STX10: variants seen among roughly 807,000 people sequenced by gnomAD.
STX10 encodes syntaxin 10.
In STX10, 35 loss-of-function variants were observed where a neutral mutation model predicts 34.1. The ratio of observed to expected loss-of-function variants is 1.03; its 90% CI spans 0.78 to 1.36. The LOEUF (loss-of-function observed/expected upper bound fraction) is 1.36, where lower values mean the gene tolerates loss of function less well. Among genes scored for constraint, STX10 ranks in the 40% most tolerant of loss-of-function variants. The pLI is 0.00. For missense variants in STX10, 361 were observed against 335.5 expected (o/e 1.08, Z -0.59); for synonymous variants, 155 against 132.9 (o/e 1.17, Z -1.15).
rs1191932510 is a variant in STX10, at chr19:13,149,853, C to G, written c.80G>C (p.Arg27Pro). The change falls in exon 2 of 8, where the codon CGC becomes CCC. Residue 27 changes from arginine (R) to proline (P), a missense_variant. Coordinates refer to ENST00000587230, the MANE Select transcript of STX10 (RefSeq NM_003765.3). Reference sequence around the variant, plus strand: ...GCTTTCCTGCAGGAGCTCGCACCAGCGCTGGTACAGCCCGCGGGCCGTGTT... The same window carrying G: ...GCTTTCCTGCAGGAGCTCGCACCAGGGCTGGTACAGCCCGCGGGCCGTGTT... ...AVNTARGLYQ[R>P]WCELLQESAA... The G allele has an allele frequency of 5.0e-6, 8 of 1,612,206 alleles. No homozygotes were observed. The highest frequency in any genetic ancestry group is 6.8e-6 in the Non-Finnish European group (8 of 1,179,606).
At chr19:13,148,952 A>C in intron 4 of STX10, 77 bp downstream of exon 4, 1 of 1,239,290 alleles carries the variant, frequency 8.1e-7, no homozygotes, top group South Asian at 1.3e-5. Flanking sequence ...CAAAAGGGAC[A>C]GGTGAACACG....
intron 3 of STX10, 46 bp downstream of exon 3, chr19:13,149,453 A>T: frequency 1.4e-6 from 2 of 1,448,462 alleles, no homozygotes; most frequent in Non-Finnish European, 1.9e-6. Flanking sequence ...AAAAAAAAAC[A>T]CACTCAAACC....
chr19:13,144,436 C>T lies in STX10; in HGVS notation c.724G>A (p.Val242Ile), dbSNP rs144491920. Residue 242 changes from valine (V) to isoleucine (I), a missense_variant, in exon 8 of 8, where the codon GTT (valine) becomes ATT (isoleucine). By Grantham distance (29) the Val-to-Ile change is conservative. Coordinates refer to ENST00000587230, the MANE Select transcript of STX10 (RefSeq NM_003765.3). ...CAGAGAGAGAATAGTAAGATGAGAA[C>T]GAGGAGAAGCACCCCCACTAGCACG... ...IAVLVGVLLL[V>I]LILLFSL 19 of 1,612,012 alleles carry T rather than the reference C, an allele frequency of 1.2e-5. No individual in the cohort carries two copies. The highest frequency in any genetic ancestry group is 1.7e-5 in the Admixed American group (1 of 59,670).
intron 4 of STX10, among the ~76,000 whole-genome samples, chr19:13,147,825 C>T (rs1480941868): frequency 1.4e-5 from 2 of 138,766 alleles, no homozygotes; most frequent in East Asian, 2.3e-4. Flanking sequence ...ACCCGGGAGG[C>T]GGAGGCTGCA....
chr19:13,150,028 C>T lies in STX10; in HGVS notation c.35+111G>A. 1 of 1,344,782 alleles carries T rather than the reference C, an allele frequency of 7.4e-7. No individual in the cohort carries two copies. The highest frequency in any genetic ancestry group is 1.0e-6 in the Non-Finnish European group (1 of 961,310). The allele number at this position is 1,344,782 out of a possible 1,614,324, so 83.3% of individuals were successfully genotyped here. A position where few individuals can be genotyped will look rare whatever the true frequency, so the allele number is the denominator to read the frequency against. Reference sequence around the variant, plus strand: ...TATACCCCTGCGTGCGCCTCCCACTCTGCACCCCGACGGCCTTGCCCAGCC... The same window carrying T: ...TATACCCCTGCGTGCGCCTCCCACTTTGCACCCCGACGGCCTTGCCCAGCC... On this transcript the variant is annotated intron_variant, in intron 1 of 7. Transcript: ENST00000587230. The surrounding 1 kb of genome is among the most constrained non-coding windows in gnomAD (Gnocchi z 4.0).
At chr19:13,145,891 G>A (rs1157792195) in intron 4 of STX10, among the ~76,000 whole-genome samples, 1 of 151,964 alleles carries the variant, frequency 6.6e-6, no homozygotes, top group Non-Finnish European at 1.5e-5. Flanking sequence ...AGGCTTGGTG[G>A]CGGGTGCCTG....
chr19:13,148,916 G>A (rs2019975556), intron 4 of STX10, 113 bp downstream of exon 4: 3 of 806,144 alleles, frequency 3.7e-6, no homozygotes, highest in Non-Finnish European at 6.1e-6. Context: ...GAAGATAACT[G>A]CCCACAGAGA....
Position 13,144,666 on chromosome 19 carries a change from AG to A in STX10, c.583del (p.Leu195TrpfsTer28), listed in dbSNP as rs765652606. 1 of 1,614,134 alleles carries A rather than the reference AG, an allele frequency of 6.2e-7. No homozygotes were observed. Among genetic ancestry groups the A allele is most frequent in the Non-Finnish European group, 8.5e-7 (1 of 1,180,018 alleles). ...GEELDEQGIM[L>X]DAFAQEMDHT... ...GTCCATCTCTTGGGCGAAGGCATCC[AG>A]CATGCTGCCAAGAACAGGATGGCAT... On this transcript the variant is annotated frameshift_variant, in exon 7 of 8. Coordinates refer to ENST00000587230, the MANE Select transcript of STX10 (RefSeq NM_003765.3). LOFTEE classifies it high-confidence loss of function.
At chr19:13,149,424 AAAAAAG>A in intron 3 of STX10, 69 bp downstream of exon 3, 33 of 1,178,536 alleles carry the variant, frequency 2.8e-5, no homozygotes, top group Non-Finnish European at 3.7e-5. Context: ...AAAAAAAAAA[AAAAAAG>A]AAAGAAAGAA....
Position 13,149,825 on chromosome 19 carries a change from C to T in STX10, c.108G>A (p.Ala36=), listed in dbSNP as rs1026008834. 2 of 1,613,582 alleles carry T rather than the reference C, an allele frequency of 1.2e-6. No homozygotes were observed. Among genetic ancestry groups the T allele is most frequent in the African/African-American group, 1.3e-5 (1 of 74,928 alleles). ...QRWCELLQES[A]AVGREELDWT... ...AGTCCAGCTCCTCGCGTCCGACCGC[C>T]GCGCTTTCCTGCAGGAGCTCGCACC... The change falls in exon 2 of 8, where the codon GCG becomes GCA. Residue 36 remains alanine, a synonymous_variant. Coordinates refer to ENST00000587230, the MANE Select transcript of STX10 (RefSeq NM_003765.3).
intron 3 of STX10, 56 bp downstream of exon 3, chr19:13,149,443 A>AAAGG (rs1184253424): frequency 7.1e-7 from 1 of 1,413,956 alleles, no homozygotes; most frequent in Non-Finnish European, 9.6e-7. Flanking sequence ...AGAAAGAAAG[A>AAAGG]AAAAAAAACA....
At chr19:13,148,360 A>AAG (rs2019956093) in intron 4 of STX10, among the ~76,000 whole-genome samples, 1 of 151,724 alleles carries the variant, frequency 6.6e-6, no homozygotes, top group Non-Finnish European at 1.5e-5. Flanking sequence ...AAAATTAGCC[A>AAG]GGCATGGTGG....
Position 13,149,519 on chromosome 19 carries a change from GCTCCACGAACAC to G in STX10, c.268_279del (p.Val90_Glu93del). ...CTGACCTGGACTGCCTCTCGCATCC[GCTCCACGAACAC>G]CTTTCTCTCCTGCAGGTCCCCGGCT... On this transcript the variant is annotated inframe_deletion, in exon 3 of 8. Coordinates refer to ENST00000587230, the MANE Select transcript of STX10 (RefSeq NM_003765.3). The G allele has an allele frequency of 6.2e-7, 1 of 1,613,028 alleles. No homozygotes were observed. The highest frequency in any genetic ancestry group is 1.1e-5 in the South Asian group (1 of 91,050).
rs1242334730 is a variant in STX10 at position 13,145,538 on chromosome 19, G to T, written c.364-143C>A. The T allele has an allele frequency of 4.7e-6, 3 of 637,830 alleles. No homozygotes were observed. The African/African-American group carries it at 5.5e-5, about 12-fold the overall frequency. The allele number at this position is 637,830 out of a possible 1,614,324, so 39.5% of individuals were successfully genotyped here. A position where few individuals can be genotyped will look rare whatever the true frequency, so the allele number is the denominator to read the frequency against. ...TCCCCACTCACCACTTACTAGCAAGGTGACCCAGAGACCCCATCATTTGGC... is the reference window on the plus strand; with the variant it reads ...TCCCCACTCACCACTTACTAGCAAGTTGACCCAGAGACCCCATCATTTGGC... On this transcript the variant is annotated intron_variant, in intron 4 of 7. Coordinates refer to ENST00000587230, the MANE Select transcript of STX10 (RefSeq NM_003765.3).
In STX10 at chr19:13,144,658, A is replaced by AG. The variant is rs745822294; in HGVS notation, c.591dup (p.Phe198LeufsTer28). The AG allele has an allele frequency of 1.6e-5, 26 of 1,613,978 alleles. No individual in the cohort carries two copies. Among genetic ancestry groups the AG allele is most frequent in the Admixed American group, 6.7e-5 (4 of 59,986 alleles). Reference sequence around the variant, plus strand: ...TGGGTGTGGTCCATCTCTTGGGCGAAGGCATCCAGCATGCTGCCAAGAACA... The same window carrying AG: ...TGGGTGTGGTCCATCTCTTGGGCGAAGGGCATCCAGCATGCTGCCAAGAACA... On this transcript the variant is annotated frameshift_variant, in exon 7 of 8. Transcript: ENST00000587230. LOFTEE classifies it high-confidence loss of function.
At chr19:13,147,724 C>A (rs1007960387) in intron 4 of STX10, among the ~76,000 whole-genome samples, 1 of 151,626 alleles carries the variant, frequency 6.6e-6, no homozygotes, top group Non-Finnish European at 1.5e-5. Context: ...TGTTGAAGCC[C>A]CGTCTCTACT....
chr19:13,150,157 G>C lies in STX10; in HGVS notation c.17C>G (p.Pro6Arg), dbSNP rs1355760924. 5.1e-6 allele frequency: 6 copies of C among 1,177,848 alleles called. No individual in the cohort carries two copies. Among genetic ancestry groups the C allele is most frequent in the Non-Finnish European group, 7.5e-6 (6 of 794,864 alleles). The allele number at this position is 1,177,848 out of a possible 1,614,324, so 73.0% of individuals were successfully genotyped here. Residue 6 changes from proline (P) to arginine (R), a missense_variant, in exon 1 of 8, where the codon CCC becomes CGC. Coordinates refer to ENST00000587230, the MANE Select transcript of STX10 (RefSeq NM_003765.3). This position sits in a 1 kb window ranked among gnomAD's most constrained non-coding sequence, Gnocchi z 4.0. MSLED[P>R]FFVVRGEVQK... is the part of the protein sequence containing the mutation. ...CACTCACCCTCGGACTACAAAAAAG[G>C]GGTCTTCGAGAGACATGTCAGTCCC...
At position 13,144,473 on chromosome 19, in the gene STX10, C is replaced by G; in HGVS notation, c.687G>C (p.Trp229Cys). 6.2e-7 allele frequency: 1 copy of G among 1,613,500 alleles called. No homozygotes were observed. Among genetic ancestry groups the G allele is most frequent in the Non-Finnish European group, 8.5e-7 (1 of 1,179,860 alleles). Residue 229 changes from tryptophan (W) to cysteine (C), a missense_variant, in exon 8 of 8, where the codon TGG (tryptophan) becomes TGC (cysteine). Physicochemically the swap from Trp to Cys is radical, Grantham distance 215 (BLOSUM62 -2). Transcript: ENST00000587230. ...VSHMTSDRRQ[W>C]CAIAVLVGVL... ...CCCCCACTAGCACGGCGATGGCACA[C>G]CACTGTCGGCGGTCTGGGAACGAGA...
At position 13,149,025 on chromosome 19, in the gene STX10, T is replaced by TAA; in HGVS notation, c.363+3_363+4insTT. On this transcript the variant is annotated splice_donor_region_variant and intron_variant, in intron 4 of 7. Transcript: ENST00000587230. ...GGTGGGCAGGGTGGGTCAGGAAGGC[T>TAA]TACCTCTCTGTTATTCCTCTCCAAA... The TAA allele has an allele frequency of 6.2e-7, 1 of 1,600,552 alleles. No individual in the cohort carries two copies. The highest frequency in any genetic ancestry group is 8.5e-7 in the Non-Finnish European group (1 of 1,173,266).
Sources: allele counts gnomAD v4.1 joint callset (sites outside exome capture counted in the v4.1 genomes callset), GRCh38; gene constraint gnomAD v4.1.1; non-coding constraint Gnocchi (gnomAD v3.1); transcripts MANE v1.5; gene names NCBI Gene and HGNC (gene_info 2026-07-23, HGNC 2026-07-21).